The following GOLGB1 variants were observed in gnomAD, a reference collection of about 807,000 sequenced individuals.
GOLGB1 encodes the protein golgin subfamily B member 1.
Under a neutral mutation model 336.9 loss-of-function variants are expected in GOLGB1, and 174 were observed. The observed-to-expected ratio is 0.52, with a 90% CI of 0.46 to 0.59. The LOEUF (loss-of-function observed/expected upper bound fraction) is 0.59, where lower values mean the gene tolerates loss of function less well. Ranked by LOEUF, GOLGB1 falls within the 20% of genes least tolerant of loss-of-function variation. GOLGB1 has a pLI of 0.00. For missense variants in GOLGB1, 3,331 were observed against 3,645.3 expected (o/e 0.91, Z 2.22); for synonymous variants, 1,208 against 1,289.2 (o/e 0.94, Z 1.35).
chr3:121,689,000 C>CA (rs1425029696), intron 14 of GOLGB1, among the ~76,000 whole-genome samples: 5 of 151,272 alleles, frequency 3.3e-5, no homozygotes, highest in Admixed American at 3.3e-4. Flanking sequence ...CAGCCACCCC[C>CA]TCCGGGAGGG....
At chr3:121,664,638 G>T in intron 21 of GOLGB1, 24 bp from the exon 22 acceptor site, 5 of 1,611,744 alleles carry the variant, frequency 3.1e-6, no homozygotes, top group South Asian at 1.1e-5. Context: ...GTGAAAGTCA[G>T]AGAGTTTTCA....
intron 1 of GOLGB1, among the ~76,000 whole-genome samples, chr3:121,742,258 C>A (rs890544876): frequency 6.6e-6 from 1 of 152,094 alleles, no homozygotes; most frequent in Non-Finnish European, 1.5e-5. Context: ...GGTACTGGTA[C>A]CAAAACACAT....
chr3:121,734,899 C>T (rs1050404999), intron 1 of GOLGB1, among the ~76,000 whole-genome samples: 2 of 152,148 alleles, frequency 1.3e-5, no homozygotes, highest in Admixed American at 1.3e-4. Flanking sequence ...GCCAAGATAT[C>T]CCTCAACAAG....
rs1234145409 is a variant in GOLGB1 at position 121,695,737 on chromosome 3, C to T, written c.4786G>A (p.Glu1596Lys). 6.2e-7 allele frequency: 1 copy of T among 1,611,218 alleles called. No homozygotes were observed. The highest frequency in any genetic ancestry group is 1.7e-5 in the Admixed American group (1 of 60,002). Reference sequence around the variant, plus strand: ...GCAATCTTAGAAGATTTCAAAGATTCAATTTCCTTCACTAACTTTTCCTTG... The same window carrying T: ...GCAATCTTAGAAGATTTCAAAGATTTAATTTCCTTCACTAACTTTTCCTTG... ...EDKEKLVKEI[E>K]SLKSSKIAES... Residue 1596 changes from glutamate to lysine, a missense_variant, in exon 13 of 22, where the codon GAA becomes AAA. Glu to Lys is a moderately conservative substitution (Grantham distance 56, BLOSUM62 1). Coordinates refer to ENST00000614479, the MANE Select transcript of GOLGB1 (RefSeq NM_001366282.2).
At position 121,692,101 on chromosome 3, in the gene GOLGB1, C is replaced by T. The variant is rs759317771; in HGVS notation, c.7263G>A (p.Leu2421=). ...TATTCTCCTCTTCCTCCTGGGACAGCAGGTTTTCCAGCTCTTTAATTTCTT... is the reference window on the plus strand; with the variant it reads ...TATTCTCCTCTTCCTCCTGGGACAGTAGGTTTTCCAGCTCTTTAATTTCTT... ...HDKEIKELEN[L]LSQEEEENIV... Residue 2421 remains leucine (L), a synonymous_variant, in exon 14 of 22, where the codon CTG becomes CTA. Transcript: ENST00000614479. The T allele has an allele frequency of 6.2e-7, 1 of 1,613,498 alleles. No individual in the cohort carries two copies. Among genetic ancestry groups the T allele is most frequent in the East Asian group, 2.2e-5 (1 of 44,880 alleles).
intron 18 of GOLGB1, among the ~76,000 whole-genome samples, chr3:121,668,952 G>A (rs1446163630): frequency 6.6e-6 from 1 of 152,164 alleles, no homozygotes; most frequent in Non-Finnish European, 1.5e-5. Context: ...CTGTTTCAGA[G>A]TACCAAATGT....
intron 5 of GOLGB1, 41 bp downstream of exon 5, chr3:121,726,872 A>T: frequency 6.8e-7 from 1 of 1,461,396 alleles, no homozygotes; most frequent in Non-Finnish European, 9.2e-7. Context: ...GGTTTTAGTG[A>T]TTCATTAACC....
At position 121,696,839 on chromosome 3, in the gene GOLGB1, G is replaced by A; in HGVS notation, c.3684C>T (p.Ser1228=). ...GGTCTCCAATATTCTCATTTTCCTT[G>A]CTTTGCTCATCAAACTGTTCTTGCA... ...NRLQEQFDEQ[S]KENENIGDQL... is the part of the protein sequence containing the mutation. Residue 1228 remains serine, a synonymous_variant, in exon 13 of 22, where the codon AGC becomes AGT. Transcript: ENST00000614479. 1 of 1,614,032 alleles carries A rather than the reference G, an allele frequency of 6.2e-7. No individual in the cohort carries two copies. The highest frequency in any genetic ancestry group is 8.5e-7 in the Non-Finnish European group (1 of 1,179,936).
intron 1 of GOLGB1, among the ~76,000 whole-genome samples, chr3:121,737,494 T>C (rs1339657401): frequency 6.6e-6 from 1 of 151,030 alleles, no homozygotes; most frequent in Non-Finnish European, 1.5e-5. Context: ...CTACTAAAAA[T>C]ACAAAAATTA....
rs911045344 is a variant in GOLGB1 at position 121,669,137 on chromosome 3, C to G, written c.9321+75G>C. On this transcript the variant is annotated intron_variant, in intron 18 of 21. Transcript: ENST00000614479. ...CCTAATTACATTAACTTCTTCCATA[C>G]TGCTCTGTAGTGCTTCACCACTTGC... 5 of 1,421,616 alleles carry G rather than the reference C, an allele frequency of 3.5e-6. No homozygotes were observed. In the African/African-American group the frequency reaches 4.3e-5, roughly 12 times the overall value. The allele number at this position is 1,421,616 out of a possible 1,614,324, so 88.1% of individuals were successfully genotyped here.
chr3:121,714,889 A>G lies in GOLGB1; in HGVS notation c.1376T>C (p.Phe459Ser). Reference protein sequence around the residue: ...QQHETASQTSFPDVYNEGTQA... With the variant: ...QQHETASQTSSPDVYNEGTQA... ...TGTGCCCTCATTATAAACATCTGGG[A>G]AAGAAGTCTGAGATGCTGTTTCATG... The change falls in exon 10 of 22, where the codon TTC (phenylalanine) becomes TCC (serine). Residue 459 changes from phenylalanine (F) to serine (S), a missense_variant. By Grantham distance (155) the Phe-to-Ser change is radical. Coordinates refer to ENST00000614479, the MANE Select transcript of GOLGB1 (RefSeq NM_001366282.2). 6.2e-7 allele frequency: 1 copy of G among 1,609,246 alleles called. No individual in the cohort carries two copies. Among genetic ancestry groups the G allele is most frequent in the Non-Finnish European group, 8.5e-7 (1 of 1,175,690 alleles).
chr3:121,706,229 T>C (rs1242574904), intron 10 of GOLGB1, among the ~76,000 whole-genome samples: 2 of 150,642 alleles, frequency 1.3e-5, no homozygotes, highest in East Asian at 2.0e-4. Context: ...CAAAGAAGAG[T>C]AGGGAGTCAG....
rs891603400 is a variant in GOLGB1, at chr3:121,674,825, CT to C, written c.9177+2067del. 5.6e-3 allele frequency among the ~76,000 whole-genome samples: 676 copies of C among 121,018 alleles called. 5 individuals carry two copies. The highest frequency in any genetic ancestry group is 0.014 in the Admixed American group (158 of 11,490). 79.4% of individuals were successfully genotyped at this position (121,018 alleles called of 152,430 possible). Reference sequence around the variant, plus strand: ...ATAAGGCTAGGAATGAGGTGCCTTTCTTTTTTTTTTTTTTTTTTTTTGAGAC... The same window carrying C: ...ATAAGGCTAGGAATGAGGTGCCTTTCTTTTTTTTTTTTTTTTTTTTGAGAC... On this transcript the variant is annotated intron_variant, in intron 17 of 21. Coordinates refer to ENST00000614479, the MANE Select transcript of GOLGB1 (RefSeq NM_001366282.2).
Position 121,691,355 on chromosome 3 carries a change from A to G in GOLGB1, c.8009T>C (p.Val2670Ala). The change falls in exon 14 of 22, where the codon GTT (valine) becomes GCT (alanine). Residue 2670 changes from valine to alanine, a missense_variant. Val to Ala is a moderately conservative substitution (Grantham distance 64, BLOSUM62 0). Transcript: ENST00000614479. ...TACCTTCTTGGCAGCTTCCTTTTGA[A>G]CACAAACCAATTCTTCTTCCAGTTC... ...IAELEEELVC[V>A]QKEAAKKVGE... 6.2e-7 allele frequency: 1 copy of G among 1,612,780 alleles called. No homozygotes were observed.
In GOLGB1 at chr3:121,711,084, C is replaced by G. The variant is rs539169160; in HGVS notation, c.1404+3777G>C. Among the ~76,000 whole-genome samples, 10 of 151,962 alleles carry G rather than the reference C, an allele frequency of 6.6e-5. No individual in the cohort carries two copies. The East Asian group carries it at 1.9e-3, about 29-fold the overall frequency. On this transcript the variant is annotated intron_variant, in intron 10 of 21. Coordinates refer to ENST00000614479, the MANE Select transcript of GOLGB1 (RefSeq NM_001366282.2). ...TGGTGGACACCTGTAGTCCCAACTA[C>G]CTGGGAGGCTGAGGCAGGAGAATCA...
At chr3:121,687,181 G>C (rs1260159787) in intron 14 of GOLGB1, among the ~76,000 whole-genome samples, 1 of 152,170 alleles carries the variant, frequency 6.6e-6, no homozygotes, top group Non-Finnish European at 1.5e-5. Context: ...AGAATTGCTT[G>C]AACCTGGGAG....
chr3:121,747,150 T>TTATATATATATATATA (rs548032779), intron 1 of GOLGB1, among the ~76,000 whole-genome samples: 1 of 49,570 alleles, frequency 2.0e-5, no homozygotes, highest in African/African-American at 9.1e-5. Flanking sequence ...TACATGGATG[T>TTATATATATATATATA]TATATATATA....
chr3:121,711,258 G>A (rs1456064936), intron 10 of GOLGB1, among the ~76,000 whole-genome samples: 1 of 151,672 alleles, frequency 6.6e-6, no homozygotes, highest in Non-Finnish European at 1.5e-5. Context: ...ATTACTCATA[G>A]AAGAATCACA....
intron 1 of GOLGB1, among the ~76,000 whole-genome samples, chr3:121,731,437 C>T (rs62268777): frequency 0.015 from 2,205 of 151,820 alleles, 24 homozygotes; most frequent in Non-Finnish European, 0.023. Context: ...AATCTCAGCC[C>T]ACTGCAACCT....
Sources: allele counts gnomAD v4.1 joint callset (sites outside exome capture counted in the v4.1 genomes callset), GRCh38; gene constraint gnomAD v4.1.1; transcripts MANE v1.5; gene names NCBI Gene and HGNC (gene_info 2026-07-23, HGNC 2026-07-21).